Variants in RMC1 observed in about 807,000 individuals in gnomAD.
RMC1 encodes the protein regulator of MON1-CCZ1 complex.
In RMC1, 44 loss-of-function variants were observed where a neutral mutation model predicts 95.5. The observed-to-expected ratio is 0.46, with a 90% CI of 0.36 to 0.59. RMC1 has a LOEUF of 0.59. Among genes scored for constraint, RMC1 ranks in the 20% least tolerant of loss-of-function variants. The pLI, the probability that RMC1 is intolerant of heterozygous loss-of-function variation, is 0.00. For synonymous variants in RMC1, 320 were observed against 303.6 expected, an observed-to-expected ratio of 1.05 and a Z score of -0.56; for missense variants, 705 against 819.6, an observed-to-expected ratio of 0.86 and a Z score of 1.71.
At position 23,509,268 on chromosome 18, in the gene RMC1, G is replaced by A. The variant is rs753034758; in HGVS notation, c.397G>A (p.Glu133Lys). ...TGTCTTCATAACAGATCAAGGAATC[G>A]AATTTTACCAGGTATTATGTTTATC... is the stretch of plus-strand genomic sequence containing the variant. Reference protein sequence around the residue: ...EIVFITDQGIEFYQVLPEKRS... With the variant: ...EIVFITDQGIKFYQVLPEKRS... Residue 133 changes from glutamate (E) to lysine (K), a missense_variant, in exon 5 of 20, where the codon GAA (glutamate) becomes AAA (lysine). Glu to Lys is a moderately conservative substitution (Grantham distance 56). Transcript: ENST00000269221. 1.0e-5 allele frequency: 15 copies of A among 1,430,968 alleles called. No individual in the cohort carries two copies. The highest frequency in any genetic ancestry group is 1.7e-5 in the South Asian group (1 of 57,250). 88.6% of individuals were successfully genotyped at this position (1,430,968 alleles called of 1,614,324 possible).
At chr18:23,527,407 A>G (rs1444562040) in intron 13 of RMC1, among the ~76,000 whole-genome samples, 2 of 151,432 alleles carry the variant, frequency 1.3e-5, no homozygotes, top group African/African-American at 4.9e-5. Flanking sequence ...CCAAAAAAAA[A>G]TAATAATAAT....
At chr18:23,510,655 A>G (rs1598850358) in intron 5 of RMC1, among the ~76,000 whole-genome samples, 2 of 152,364 alleles carry the variant, frequency 1.3e-5, no homozygotes, top group East Asian at 1.9e-4. Flanking sequence ...TCAAAAAAAA[A>G]AAAGTGGGCA....
chr18:23,527,990 A>G (rs2058357333), intron 14 of RMC1, 89 bp downstream of exon 14: 4 of 1,085,154 alleles, frequency 3.7e-6, no homozygotes, highest in Admixed American at 5.5e-5. Context: ...ATTGTTTCCT[A>G]TATATTAGAA....
Position 23,503,528 on chromosome 18 carries a change from C to G in RMC1, c.-91C>G. 2.4e-6 allele frequency: 2 copies of G among 850,482 alleles called. No individual in the cohort carries two copies. The highest frequency in any genetic ancestry group is 3.2e-6 in the Non-Finnish European group (2 of 624,682). The allele number at this position is 850,482 out of a possible 1,614,324, so 52.7% of individuals were successfully genotyped here. A position where few individuals can be genotyped will look rare whatever the true frequency, so the allele number is the denominator to read the frequency against. ...CCGGGCCCAGAGCCGCAGCCGCAGCCGCCGCTACAGTCCGGGCCGGGCTCC... is the reference window on the plus strand; with the variant it reads ...CCGGGCCCAGAGCCGCAGCCGCAGCGGCCGCTACAGTCCGGGCCGGGCTCC... On this transcript the variant is annotated 5_prime_UTR_variant, in exon 1 of 20. Transcript: ENST00000269221.
At chr18:23,531,360 G>A in intron 19 of RMC1, 1 of 468,056 alleles carries the variant, frequency 2.1e-6, no homozygotes, top group South Asian at 3.4e-5. Flanking sequence ...GAAGGATCAG[G>A]GCTGTCTAAT....
In RMC1 at chr18:23,503,650, G is replaced by A; in HGVS notation, c.32G>A (p.Cys11Tyr). Residue 11 changes from cysteine (C) to tyrosine (Y), a missense_variant, in exon 1 of 20, where the codon TGC becomes TAC. Physicochemically the swap from Cys to Tyr is radical, Grantham distance 194. Transcript: ENST00000269221. The part of the protein sequence containing the change: MGEEDYYLEL[C>Y]ERPVQFEKAN... ...GAGGAGGACTACTATCTGGAGCTGT[G>A]CGAGCGGCCGGTGCAGTTCGAGAAG... The A allele has an allele frequency of 1.3e-6, 2 of 1,589,636 alleles. No homozygotes were observed. The highest frequency in any genetic ancestry group is 1.7e-6 in the Non-Finnish European group (2 of 1,168,698).
At chr18:23,509,854 C>T (rs544783234) in intron 5 of RMC1, among the ~76,000 whole-genome samples, 3 of 151,226 alleles carry the variant, frequency 2.0e-5, no homozygotes, top group East Asian at 2.0e-4. Flanking sequence ...CCACTGCGCC[C>T]GGCCCTGGCT....
Position 23,528,146 on chromosome 18 carries a change from CTG to C in RMC1, c.1296+249_1296+250del, listed in dbSNP as rs145457752. On this transcript the variant is annotated intron_variant, in intron 14 of 19. Coordinates refer to ENST00000269221, the MANE Select transcript of RMC1 (RefSeq NM_013326.5). The stretch of plus-strand genomic sequence containing the variant: ...CCTTCACTGTTTTTGTTTTTCCCAT[CTG>C]TGTTTGATCTTGCCTGTAGATCCTT... 1.7e-3 allele frequency: 666 copies of C among 402,858 alleles called. 5 individuals carry two copies. Among genetic ancestry groups the C allele is most frequent in the African/African-American group, 0.013 (606 of 48,294 alleles). 25.0% of individuals were successfully genotyped at this position (402,858 alleles called of 1,614,324 possible).
chr18:23,526,705 A>C lies in RMC1; in HGVS notation c.1129A>C (p.Met377Leu). The stretch of plus-strand genomic sequence containing the variant: ...TCTCTTACCAGACAAAGGAAGACTC[A>C]TGGACTTTCTCCTCCAGAGAAAGGA... Reference protein sequence around the residue: ...VNLLPDKGRLMDFLLQRKECK... With the variant: ...VNLLPDKGRLLDFLLQRKECK... The change falls in exon 13 of 20, where the codon ATG becomes CTG. Residue 377 changes from methionine to leucine, a missense_variant. Met to Leu is a conservative substitution (Grantham distance 15). Transcript: ENST00000269221. 2 of 1,614,068 alleles carry C rather than the reference A, an allele frequency of 1.2e-6. No homozygotes were observed. Among genetic ancestry groups the C allele is most frequent in the Non-Finnish European group, 1.7e-6 (2 of 1,179,954 alleles).
At chr18:23,515,544 A>G (rs2057978729) in intron 5 of RMC1, among the ~76,000 whole-genome samples, 1 of 152,142 alleles carries the variant, frequency 6.6e-6, no homozygotes, top group Non-Finnish European at 1.5e-5. Context: ...TTATTTATTA[A>G]TTGAGACTGA....
intron 7 of RMC1, 57 bp downstream of exon 7, chr18:23,516,480 TAGA>T (rs1234917254): frequency 5.1e-6 from 8 of 1,562,144 alleles, no homozygotes; most frequent in Admixed American, 5.0e-5. Flanking sequence ...ATATAAATAA[TAGA>T]AGGAGTGTGT....
chr18:23,512,016 C>CTT (rs34759918), intron 5 of RMC1, among the ~76,000 whole-genome samples: 88 of 127,210 alleles, frequency 6.9e-4, no homozygotes, highest in Middle Eastern at 4.2e-3. Context: ...GGTAGAAAGA[C>CTT]TTTTTTTTTT....
chr18:23,526,612 T>A, intron 12 of RMC1, 25 bp from the exon 13 acceptor site: 2 of 1,612,302 alleles, frequency 1.2e-6, no homozygotes, highest in South Asian at 2.2e-5. Flanking sequence ...TCATACTGTT[T>A]TATTTGCTGC....
At chr18:23,529,602 GGTATTTGT>G in intron 15 of RMC1, 25 bp from the exon 16 acceptor site, 2 of 1,571,034 alleles carry the variant, frequency 1.3e-6, no homozygotes, top group Non-Finnish European at 1.8e-6. Flanking sequence ...GCACCTCGTT[GGTATTTGT>G]AAGACCACAT....
intron 10 of RMC1, among the ~76,000 whole-genome samples, 161 bp from the exon 11 acceptor site, chr18:23,523,969 T>A (rs2058220054): frequency 6.6e-6 from 1 of 152,198 alleles, no homozygotes; most frequent in African/African-American, 2.4e-5. Flanking sequence ...TTCCTCCCCG[T>A]ACGTGCTTTC....
rs1338655129 is a variant in RMC1 at position 23,520,252 on chromosome 18, T to C, written c.900T>C (p.Val300=). 3 of 1,614,032 alleles carry C rather than the reference T, an allele frequency of 1.9e-6. No homozygotes were observed. The African/African-American group carries it at 4.0e-5, about 22-fold the overall frequency. Residue 300 remains valine (V), a synonymous_variant, in exon 10 of 20, where the codon GTT becomes GTC. Coordinates refer to ENST00000269221, the MANE Select transcript of RMC1 (RefSeq NM_013326.5). ...IKLRGEFDGS[V]TFHHPVLPAR... ...TACGGGGAGAGTTTGACGGCTCCGT[T>C]ACCTTCCACCACCCCGTGCTTCCCG...
intron 15 of RMC1, 106 bp downstream of exon 15, chr18:23,529,404 A>G (rs1232059542): frequency 6.8e-7 from 1 of 1,471,648 alleles, no homozygotes; most frequent in Admixed American, 2.5e-5. Context: ...AGTGATTAGA[A>G]TCACTGGAGT....
chr18:23,506,453 G>A (rs369029666), intron 2 of RMC1: 6 of 152,190 alleles, frequency 3.9e-5, no homozygotes, highest in African/African-American at 1.4e-4. Context: ...GGCTGGTCTC[G>A]AATTCCTGTG....
chr18:23,527,793 A>C lies in RMC1; in HGVS notation c.1190-2A>C. On this transcript the variant is annotated splice_acceptor_variant, in intron 13 of 19. Transcript: ENST00000269221. LOFTEE classifies it high-confidence loss of function. ...CCGTGTGTGAACATTGTGCCTTTCC[A>C]GTGTTAAGTGAGTCAGACAGAGCAT... 1 of 1,612,838 alleles carries C rather than the reference A, an allele frequency of 6.2e-7. No homozygotes were observed. Among genetic ancestry groups the C allele is most frequent in the Non-Finnish European group, 8.5e-7 (1 of 1,178,918 alleles).
Sources: allele counts gnomAD v4.1 joint callset (sites outside exome capture counted in the v4.1 genomes callset), GRCh38; gene constraint gnomAD v4.1.1; transcripts MANE v1.5; gene names NCBI Gene and HGNC (gene_info 2026-07-23, HGNC 2026-07-21).